Variants in ESRRG observed in about 807,000 individuals in gnomAD.
The protein encoded by ESRRG is estrogen-related receptor gamma.
In ESRRG, 13 loss-of-function variants were observed where a neutral mutation model predicts 44.0. The ratio of observed to expected loss-of-function variants is 0.30; its 90% CI spans 0.19 to 0.47. ESRRG has a LOEUF of 0.47. ESRRG is among the 20% of genes least tolerant of loss of function. ESRRG has a pLI of 1.00. For synonymous variants in ESRRG, 215 were observed against 214.6 expected, an observed-to-expected ratio of 1.00 and a Z score of -0.02; for missense variants, 395 against 580.6, an observed-to-expected ratio of 0.68 and a Z score of 3.29.
chr1:216,867,169 T>C (rs2096180136), intron 2 of ESRRG, among the ~76,000 whole-genome samples: 1 of 152,176 alleles, frequency 6.6e-6, no homozygotes, highest in South Asian at 2.1e-4. Flanking sequence ...ATTATGCATA[T>C]GGGAAAACTG....
At chr1:217,067,487 TTAA>T (rs2089929732) in intron 1 of ESRRG, among the ~76,000 whole-genome samples, 1 of 152,098 alleles carries the variant, frequency 6.6e-6, no homozygotes, top group Non-Finnish European at 1.5e-5. Flanking sequence ...TTGCTGCCAG[TTAA>T]TGATGGTTTG....
At chr1:216,545,764 C>A (rs1229586149) in intron 5 of ESRRG, among the ~76,000 whole-genome samples, 2 of 152,002 alleles carry the variant, frequency 1.3e-5, no homozygotes, top group Non-Finnish European at 2.9e-5. Flanking sequence ...CATGAAATTT[C>A]CAAGAAAACT....
intron 2 of ESRRG, among the ~76,000 whole-genome samples, chr1:216,651,729 A>T (rs1435734152): frequency 6.6e-6 from 1 of 152,118 alleles, no homozygotes; most frequent in Non-Finnish European, 1.5e-5. Context: ...CCTCATCATG[A>T]TGTGTGTTAC....
intron 2 of ESRRG, among the ~76,000 whole-genome samples, chr1:216,914,804 C>T (rs1008007967): frequency 3.3e-5 from 5 of 152,094 alleles, no homozygotes; most frequent in African/African-American, 9.7e-5. Flanking sequence ...GCACTGGCCA[C>T]CATAACCACT....
chr1:217,133,461 G>A (rs1227556141), intron 1 of ESRRG, among the ~76,000 whole-genome samples: 1 of 152,248 alleles, frequency 6.6e-6, no homozygotes, highest in Non-Finnish European at 1.5e-5. Flanking sequence ...CTTGAGCGAC[G>A]CGTGTCATAG....
intron 2 of ESRRG, among the ~76,000 whole-genome samples, chr1:216,748,304 T>C (rs2152278550): frequency 6.6e-6 from 1 of 152,270 alleles, no homozygotes; most frequent in South Asian, 2.1e-4. Context: ...CTCTAATCTG[T>C]CTGGGACCCC....
chr1:216,792,183 G>C (rs1019958094), intron 2 of ESRRG, among the ~76,000 whole-genome samples: 46 of 152,218 alleles, frequency 3.0e-4, no homozygotes, highest in African/African-American at 8.4e-4. Flanking sequence ...GAAGCATGTG[G>C]TCAGCCTCAT....
chr1:216,691,065 C>G (rs935830665), intron 1 of ESRRG, among the ~76,000 whole-genome samples: 2 of 152,078 alleles, frequency 1.3e-5, no homozygotes, highest in African/African-American at 4.8e-5. Context: ...AATAAAATGG[C>G]TTTAGGAAAT....
At chr1:216,975,267 T>C (rs187049761) in intron 1 of ESRRG, among the ~76,000 whole-genome samples, 1 of 152,238 alleles carries the variant, frequency 6.6e-6, no homozygotes. Flanking sequence ...ATAGTTCATA[T>C]TCTTCTTTCA....
At chr1:216,992,882 C>T (rs1579190991) in intron 1 of ESRRG, among the ~76,000 whole-genome samples, 2 of 152,290 alleles carry the variant, frequency 1.3e-5, no homozygotes, top group East Asian at 3.9e-4. Context: ...CGTCTTTGTT[C>T]AGCAAGTCAC....
intron 2 of ESRRG, among the ~76,000 whole-genome samples, chr1:216,930,638 T>C (rs1446638665): frequency 1.3e-5 from 2 of 152,202 alleles, no homozygotes; most frequent in Admixed American, 1.3e-4. Context: ...TTCAATCTAG[T>C]TAAGAACCTG....
upstream of ESRRG, among the ~76,000 whole-genome samples, chr1:216,728,272 G>A (rs1332354939): frequency 6.6e-6 from 1 of 152,090 alleles, no homozygotes; most frequent in Non-Finnish European, 1.5e-5. Flanking sequence ...AAACATTCAA[G>A]GTCAATGTCC....
chr1:216,641,442 T>C (rs2066405045), intron 3 of ESRRG, among the ~76,000 whole-genome samples: 1 of 152,230 alleles, frequency 6.6e-6, no homozygotes, highest in African/African-American at 2.4e-5. Context: ...TCCCCTTTTA[T>C]ATAATAGATG....
intron 2 of ESRRG, among the ~76,000 whole-genome samples, chr1:216,668,840 AT>A (rs1240652961): frequency 2.6e-5 from 4 of 152,240 alleles, no homozygotes; most frequent in Non-Finnish European, 4.4e-5. Context: ...AAGTAAAAAT[AT>A]TCTGAAAAGG....
chr1:216,506,208 A>C lies in ESRRG; in HGVS notation c.*731T>G, dbSNP rs1223371614. 6.5e-6 allele frequency: 1 copy of C among 154,374 alleles called. No homozygotes were observed. Among genetic ancestry groups the C allele is most frequent in the African/African-American group, 2.4e-5 (1 of 41,462 alleles). The allele number at this position is 154,374 out of a possible 1,614,324, so 9.6% of individuals were successfully genotyped here. A position where few individuals can be genotyped will look rare whatever the true frequency, so the allele number is the denominator to read the frequency against. ...TGTCTAATTAGAGGCTGCTCCCATGAAATCTAATACTGCACTCAGTCAATT... is the reference window on the plus strand; with the variant it reads ...TGTCTAATTAGAGGCTGCTCCCATGCAATCTAATACTGCACTCAGTCAATT... On this transcript the variant is annotated 3_prime_UTR_variant, in exon 7 of 7. Transcript: ENST00000408911.
At chr1:216,925,810 C>T (rs567553195) in intron 2 of ESRRG, among the ~76,000 whole-genome samples, 12 of 151,868 alleles carry the variant, frequency 7.9e-5, no homozygotes, top group African/African-American at 2.4e-4. Flanking sequence ...AATTAGCAGG[C>T]GTGGTGGTGT....
At chr1:216,830,026 C>T (rs2095461531) in intron 2 of ESRRG, among the ~76,000 whole-genome samples, 2 of 152,132 alleles carry the variant, frequency 1.3e-5, no homozygotes, top group South Asian at 4.1e-4. Flanking sequence ...GCGTTGACAG[C>T]ACAGACACAC....
chr1:216,586,928 G>T (rs567118765), intron 3 of ESRRG, among the ~76,000 whole-genome samples: 1 of 152,124 alleles, frequency 6.6e-6, no homozygotes, highest in South Asian at 2.1e-4. Flanking sequence ...TAATATTTAA[G>T]GTGACATTTT....
chr1:216,725,100 T>A (rs1376556456), upstream of ESRRG, among the ~76,000 whole-genome samples: 1 of 152,148 alleles, frequency 6.6e-6, no homozygotes, highest in Non-Finnish European at 1.5e-5. Context: ...GCAGCCACAT[T>A]AAAATTCAGA....
Sources: allele counts gnomAD v4.1 joint callset (sites outside exome capture counted in the v4.1 genomes callset), GRCh38; gene constraint gnomAD v4.1.1; transcripts MANE v1.5; gene names NCBI Gene and HGNC (gene_info 2026-07-23, HGNC 2026-07-21).